Variants in OPHN1 observed in about 807,000 individuals in gnomAD.
The protein encoded by OPHN1 is oligophrenin-1.
Under a neutral mutation model 60.7 loss-of-function variants are expected in OPHN1, and 11 were observed. The ratio of observed to expected loss-of-function variants is 0.18; its 90% CI spans 0.11 to 0.30. The LOEUF is 0.30. OPHN1 is among the 10% of genes least tolerant of loss of function. The probability of loss-of-function intolerance (pLI) is 1.00; values close to 1 mark genes in which losing one functional copy is unlikely to be tolerated. For missense variants in OPHN1, 449 were observed against 611.0 expected (o/e 0.73, Z 2.80); for synonymous variants, 226 against 222.6 (o/e 1.02, Z -0.14).
chrX:68,293,293 C>A (rs2078078740), intron 3 of OPHN1, among the ~76,000 whole-genome samples: 1 of 111,975 alleles, frequency 8.9e-6, no homozygotes, highest in Non-Finnish European at 1.9e-5. Flanking sequence ...TTTATCTCAA[C>A]CAAGAGGTTT....
chrX:68,235,026 T>G (rs1195163715), intron 5 of OPHN1, among the ~76,000 whole-genome samples: 2 of 112,230 alleles, frequency 1.8e-5, no homozygotes, highest in African/African-American at 3.2e-5. Context: ...TAATAATAAG[T>G]AAAACATTTC....
At chrX:68,355,139 T>C (rs1375322600) in intron 2 of OPHN1, among the ~76,000 whole-genome samples, 1 of 112,390 alleles carries the variant, frequency 8.9e-6, no homozygotes, top group Non-Finnish European at 1.9e-5. Context: ...ACATTTTACA[T>C]GACTGTGACT....
intron 19 of OPHN1, among the ~76,000 whole-genome samples, chrX:68,091,228 G>A (rs1415515860): frequency 4.5e-5 from 5 of 111,189 alleles, no homozygotes; most frequent in Admixed American, 9.6e-5. Context: ...AGGACTAAAC[G>A]AGCTGGAAAT....
In OPHN1 at chrX:68,282,225, T is replaced by C. The variant is rs186207205; in HGVS notation, c.312+831A>G. Among the ~76,000 whole-genome samples the C allele has an allele frequency of 3.9e-3, 432 of 112,175 alleles. 1 individual carries two copies. Among genetic ancestry groups the C allele is most frequent in the African/African-American group, 0.014 (418 of 30,929 alleles). On this transcript the variant is annotated intron_variant, in intron 4 of 24. Transcript: ENST00000355520. ...CTGTGGTAAATCATACAATGGGATA[T>C]TACTTAATGATAAAAATAAATGACA...
chrX:68,292,149 C>T (rs1329163027), intron 3 of OPHN1, among the ~76,000 whole-genome samples: 2 of 111,460 alleles, frequency 1.8e-5, no homozygotes, highest in African/African-American at 3.3e-5. Flanking sequence ...TCAATCCTCC[C>T]ACCTCAGCCT....
intron 12 of OPHN1, among the ~76,000 whole-genome samples, chrX:68,195,052 AAGGAAGGAAGG>A (rs1377137335): frequency 2.6e-4 from 27 of 103,993 alleles, no homozygotes; most frequent in African/African-American, 5.0e-4. Flanking sequence ...GGAAGGAAGG[AAGGAAGGAAGG>A]AAGAAAGAAA....
chrX:68,380,562 C>A (rs1433245868), intron 2 of OPHN1, among the ~76,000 whole-genome samples: 10 of 111,502 alleles, frequency 9.0e-5, no homozygotes, highest in East Asian at 2.8e-4. Context: ...CTCTTGTGGG[C>A]ATTTAGTGCT....
chrX:68,391,004 A>T (rs1390799382), intron 2 of OPHN1, among the ~76,000 whole-genome samples: 1 of 111,614 alleles, frequency 9.0e-6, no homozygotes, highest in Non-Finnish European at 1.9e-5. Flanking sequence ...ACCAGAGGCT[A>T]CACATATTCC....
At chrX:68,425,589 C>A (rs1018876300) in intron 2 of OPHN1, among the ~76,000 whole-genome samples, 4 of 111,021 alleles carry the variant, frequency 3.6e-5, no homozygotes, top group Non-Finnish European at 7.5e-5. Flanking sequence ...GTGAAAGCTG[C>A]AAAGGTACCC....
chrX:68,202,972 C>A (rs752375427), intron 10 of OPHN1, among the ~76,000 whole-genome samples: 2 of 111,222 alleles, frequency 1.8e-5, no homozygotes, highest in Non-Finnish European at 3.8e-5. Context: ...AGCTATGTGA[C>A]CCTGGCCAAA....
intron 15 of OPHN1, among the ~76,000 whole-genome samples, chrX:68,122,689 A>G (rs1375864738): frequency 9.0e-6 from 1 of 111,090 alleles, no homozygotes; most frequent in Non-Finnish European, 1.9e-5. Context: ...CTGGAGTTAA[A>G]AAATGTAAGT....
intron 15 of OPHN1, among the ~76,000 whole-genome samples, chrX:68,172,267 T>C (rs2077395052): frequency 8.9e-6 from 1 of 112,422 alleles, no homozygotes. Context: ...GAATATTATT[T>C]GGCAATAAAA....
chrX:68,410,740 A>G (rs1382368290), intron 2 of OPHN1, among the ~76,000 whole-genome samples: 2 of 110,918 alleles, frequency 1.8e-5, no homozygotes, highest in Non-Finnish European at 3.8e-5. Flanking sequence ...CAATACATGC[A>G]TTTGGGGATA....
intron 15 of OPHN1, among the ~76,000 whole-genome samples, chrX:68,180,339 C>T (rs1455888466): frequency 9.0e-6 from 1 of 111,590 alleles, no homozygotes; most frequent in African/African-American, 3.3e-5. Context: ...CATTTTAATG[C>T]TTAAAATTTT....
At chrX:68,398,552 C>T (rs2078697133) in intron 2 of OPHN1, among the ~76,000 whole-genome samples, 1 of 111,803 alleles carries the variant, frequency 8.9e-6, no homozygotes, top group African/African-American at 3.3e-5. Context: ...TCTGGTCCGC[C>T]TGTCTTGAAT....
intron 15 of OPHN1, among the ~76,000 whole-genome samples, chrX:68,122,257 C>T (rs1015160206): frequency 6.3e-5 from 7 of 111,971 alleles, no homozygotes; most frequent in Admixed American, 5.7e-4. Flanking sequence ...AAGGTGGTAC[C>T]GCTACAAATC....
intron 15 of OPHN1, among the ~76,000 whole-genome samples, chrX:68,121,209 CGGATT>C (rs2077149099): frequency 1.8e-5 from 2 of 112,149 alleles, no homozygotes; most frequent in East Asian, 2.8e-4. Flanking sequence ...GGACAACCCA[CGGATT>C]GGGTAAAAAC....
chrX:68,294,721 T>C (rs1446535132), intron 3 of OPHN1, among the ~76,000 whole-genome samples: 2 of 111,097 alleles, frequency 1.8e-5, no homozygotes, highest in African/African-American at 6.5e-5. Flanking sequence ...TATGTAGCTG[T>C]GTGGTACCTT....
Position 68,192,963 on chromosome X carries a change from A to G in OPHN1, c.1232T>C (p.Val411Ala). ...CTTCTGAACCTGAATATTGCTGCCC[A>G]CAGTGCGGTACAACCCTTCTGTCTT... The part of the protein sequence containing the change: ...GIKTEGLYRT[V>A]GSNIQVQKLL... Residue 411 changes from valine (V) to alanine (A), a missense_variant, in exon 15 of 25, where the codon GTG (valine) becomes GCG (alanine). Physicochemically the swap from Val to Ala is moderately conservative, Grantham distance 64. This residue lies in a region of OPHN1 where 166 missense variants were observed against 278.4 expected (regional missense o/e 0.60). Coordinates refer to ENST00000355520, the MANE Select transcript of OPHN1 (RefSeq NM_002547.3). The G allele has an allele frequency of 8.3e-7, 1 of 1,210,785 alleles. No individual in the cohort carries two copies. The highest frequency in any genetic ancestry group is 1.1e-6 in the Non-Finnish European group (1 of 894,578).
Sources: gnomAD v4.1 joint callset for allele counts (sites outside exome capture counted in the v4.1 genomes callset) on GRCh38, gnomAD v4.1.1 for gene constraint, gnomAD v4.1.1 regional missense constraint, MANE v1.5 for transcripts, NCBI Gene and HGNC (gene_info 2026-07-23, HGNC 2026-07-21) for gene names.